SMIM3: variants seen among roughly 807,000 people sequenced by gnomAD.
SMIM3 encodes the protein small integral membrane protein 3.
SMIM3 carries 4 observed loss-of-function variants against 2.1 expected under a neutral mutation model. The observed-to-expected ratio is 1.89, with a 90% CI of 0.93 to 4.31. The LOEUF is 4.31. Ranked by LOEUF, SMIM3 falls within the 30% of genes most tolerant of loss-of-function variation. The pLI is 0.01. For missense variants in SMIM3, 79 were observed against 77.7 expected (o/e 1.02, Z -0.06); for synonymous variants, 29 against 30.8 (o/e 0.94, Z 0.19).
intron 1 of SMIM3, among the ~76,000 whole-genome samples, chr5:150,788,418 T>C (rs1418487678): frequency 2.0e-5 from 3 of 151,892 alleles, no homozygotes; most frequent in Non-Finnish European, 4.4e-5. Context: ...GCGGATCACT[T>C]GAGGCCAGGA....
intron 1 of SMIM3, among the ~76,000 whole-genome samples, chr5:150,790,211 A>G (rs933762288): frequency 2.0e-5 from 3 of 152,124 alleles, no homozygotes; most frequent in African/African-American, 7.2e-5. Context: ...TTGATTGTGG[A>G]TGAGCCCCGA....
At position 150,795,628 on chromosome 5, in the gene SMIM3, C is replaced by T; in HGVS notation, c.*5C>T. 6.5e-7 allele frequency: 1 copy of T among 1,541,872 alleles called. No individual in the cohort carries two copies. The highest frequency in any genetic ancestry group is 8.7e-7 in the Non-Finnish European group (1 of 1,149,308). ...ATCCTTAGTGGGGCTGTTTGAGAGC[C>T]TCCCAAGAGGGCCGGGTGAGGGATG... On this transcript the variant is annotated 3_prime_UTR_variant, in exon 2 of 2. Coordinates refer to ENST00000526627, the MANE Select transcript of SMIM3 (RefSeq NM_032947.5).
Position 150,795,533 on chromosome 5 carries a change from T to C in SMIM3, c.93T>C (p.Ile31=). The C allele has an allele frequency of 6.2e-7, 1 of 1,612,180 alleles. No homozygotes were observed. The highest frequency in any genetic ancestry group is 2.2e-5 in the East Asian group (1 of 44,878). The change falls in exon 2 of 2, where the codon ATT becomes ATC. Residue 31 remains isoleucine, a synonymous_variant. Coordinates refer to ENST00000526627, the MANE Select transcript of SMIM3 (RefSeq NM_032947.5). ...WVIVLIILAT[I]VIMTSLLLCP... ...TTGTCCTCATCATCCTGGCCACCATTGTCATCATGACCTCGTTGTTGCTGT... is the reference window on the plus strand; with the variant it reads ...TTGTCCTCATCATCCTGGCCACCATCGTCATCATGACCTCGTTGTTGCTGT...
chr5:150,779,829 A>AGCCCC (rs1753212584), intron 1 of SMIM3, among the ~76,000 whole-genome samples: 2 of 111,022 alleles, frequency 1.8e-5, no homozygotes, highest in African/African-American at 3.4e-5. Flanking sequence ...GAAAGGTGTA[A>AGCCCC]CCCCCCCCGC....
intron 1 of SMIM3, among the ~76,000 whole-genome samples, chr5:150,783,084 C>T (rs1753253114): frequency 6.6e-6 from 1 of 152,130 alleles, no homozygotes. Context: ...TCGGGAAAAA[C>T]TTTACTAAAA....
At chr5:150,786,435 A>G (rs1753294278) in intron 1 of SMIM3, among the ~76,000 whole-genome samples, 1 of 151,994 alleles carries the variant, frequency 6.6e-6, no homozygotes, top group Admixed American at 6.6e-5. Context: ...CTACAGGTGC[A>G]CACCATGCCC....
At chr5:150,791,464 G>T (rs1418301422) in intron 1 of SMIM3, among the ~76,000 whole-genome samples, 1 of 151,846 alleles carries the variant, frequency 6.6e-6, no homozygotes, top group African/African-American at 2.4e-5. Flanking sequence ...GCTTCTATGG[G>T]TCTGATATTT....
At chr5:150,784,117 C>A (rs1240338284) in intron 1 of SMIM3, among the ~76,000 whole-genome samples, 1 of 151,844 alleles carries the variant, frequency 6.6e-6, no homozygotes, top group African/African-American at 2.4e-5. Flanking sequence ...CAGGGTTTTA[C>A]CATGTTGGCC....
At chr5:150,792,859 T>C (rs143735370) in intron 1 of SMIM3, among the ~76,000 whole-genome samples, 1 of 152,350 alleles carries the variant, frequency 6.6e-6, no homozygotes, top group Admixed American at 6.5e-5. Context: ...GATTTTTTGG[T>C]GGTTGCATGG....
intron 1 of SMIM3, among the ~76,000 whole-genome samples, chr5:150,785,003 C>T (rs768050492): frequency 6.7e-6 from 1 of 149,146 alleles, no homozygotes; most frequent in East Asian, 2.0e-4. Context: ...AATCAAAATA[C>T]TTTAATTCTA....
chr5:150,786,328 C>T (rs1273222084), intron 1 of SMIM3, among the ~76,000 whole-genome samples: 1 of 152,134 alleles, frequency 6.6e-6, no homozygotes, highest in Non-Finnish European at 1.5e-5. Flanking sequence ...CACTCTGTCA[C>T]CCAGACTGGA....
intron 1 of SMIM3, among the ~76,000 whole-genome samples, chr5:150,784,375 AT>A (rs2113200394): frequency 6.6e-6 from 1 of 152,268 alleles, no homozygotes; most frequent in East Asian, 1.9e-4. Context: ...AGGACTCCAT[AT>A]GCTTCCAACA....
In SMIM3 at chr5:150,778,912, C is replaced by T. The variant is rs770665259; in HGVS notation, c.-72C>T. On this transcript the variant is annotated 5_prime_UTR_variant, in exon 1 of 2. Transcript: ENST00000526627. ...CCAGATCCCGTGCAGTCCTGGGGAC[C>T]CTGAGAAGCACCGAGCCATCCCTGA... 5.9e-6 allele frequency: 3 copies of T among 511,994 alleles called. No individual in the cohort carries two copies. The highest frequency in any genetic ancestry group is 4.1e-5 in the Admixed American group (2 of 48,836). 31.7% of individuals were successfully genotyped at this position (511,994 alleles called of 1,614,324 possible). A position where few individuals can be genotyped will look rare whatever the true frequency, so the allele number is the denominator to read the frequency against.
At chr5:150,782,519 A>G (rs1286584973) in intron 1 of SMIM3, among the ~76,000 whole-genome samples, 1 of 152,150 alleles carries the variant, frequency 6.6e-6, no homozygotes, top group Non-Finnish European at 1.5e-5. Context: ...ATTTGAGCTT[A>G]TCGGCCCAAG....
At chr5:150,782,446 C>T (rs1041520046) in intron 1 of SMIM3, among the ~76,000 whole-genome samples, 4 of 152,168 alleles carry the variant, frequency 2.6e-5, no homozygotes, top group African/African-American at 9.7e-5. Flanking sequence ...CTGCTCCCCT[C>T]ACCCCTGGTC....
chr5:150,786,459 AT>A lies in SMIM3; in HGVS notation c.-12+7495del, dbSNP rs778312301. Among the ~76,000 whole-genome samples the A allele has an allele frequency of 4.0e-5, 6 of 151,730 alleles. No homozygotes were observed. In the South Asian group the frequency reaches 8.3e-4, roughly 21 times the overall value. ...CACACCATGCCCATCTAATTTTAAA[AT>A]TTTTTTTGTGGAGATGGGATTTTGC... On this transcript the variant is annotated intron_variant, in intron 1 of 1. Coordinates refer to ENST00000526627, the MANE Select transcript of SMIM3 (RefSeq NM_032947.5).
rs1158214816 is a variant in SMIM3, at chr5:150,778,892, T to C, written c.-92T>C. 2 of 502,950 alleles carry C rather than the reference T, an allele frequency of 4.0e-6. No homozygotes were observed. Among genetic ancestry groups the C allele is most frequent in the South Asian group, 1.5e-5 (1 of 66,800 alleles). The allele number at this position is 502,950 out of a possible 1,614,324, so 31.2% of individuals were successfully genotyped here. A position where few individuals can be genotyped will look rare whatever the true frequency, so the allele number is the denominator to read the frequency against. On this transcript the variant is annotated 5_prime_UTR_variant, in exon 1 of 2. Coordinates refer to ENST00000526627, the MANE Select transcript of SMIM3 (RefSeq NM_032947.5). ...CTGGGGGTCGCTTCCAGCTGCCAGA[T>C]CCCGTGCAGTCCTGGGGACCCTGAG...
chr5:150,785,966 G>A (rs548949139), intron 1 of SMIM3, among the ~76,000 whole-genome samples: 1 of 152,224 alleles, frequency 6.6e-6, no homozygotes, highest in Non-Finnish European at 1.5e-5. Context: ...GCAAATTGGT[G>A]TCTTTCATCA....
At chr5:150,783,457 G>A (rs1415681597) in intron 1 of SMIM3, among the ~76,000 whole-genome samples, 4 of 152,216 alleles carry the variant, frequency 2.6e-5, no homozygotes, top group Admixed American at 6.5e-5. Flanking sequence ...ATCTTTGGAC[G>A]CCTCAGCATC....
Sources: gnomAD v4.1 joint callset for allele counts (sites outside exome capture counted in the v4.1 genomes callset) on GRCh38, gnomAD v4.1.1 for gene constraint, MANE v1.5 for transcripts, NCBI Gene and HGNC (gene_info 2026-07-23, HGNC 2026-07-21) for gene names.